The following VPS50 variants were observed in gnomAD, a reference collection of about 807,000 sequenced individuals.
VPS50 encodes syndetin.
Under a neutral mutation model 139.7 loss-of-function variants are expected in VPS50, and 70 were observed. The observed-to-expected ratio is 0.50, with a 90% CI of 0.41 to 0.61. VPS50 has a LOEUF of 0.61. VPS50 is among the 20% of genes least tolerant of loss of function. The pLI is 0.00. For missense variants in VPS50, 921 were observed against 1,133.7 expected (o/e 0.81, Z 2.69); for synonymous variants, 365 against 376.7 (o/e 0.97, Z 0.36).
chr7:93,326,888 A>G (rs375501807), intron 21 of VPS50, among the ~76,000 whole-genome samples: 1 of 152,194 alleles, frequency 6.6e-6, no homozygotes, highest in Non-Finnish European at 1.5e-5. Context: ...ATCATTTTAT[A>G]TAGGACCTGA....
At chr7:93,261,830 G>C (rs1381228368) in intron 9 of VPS50, among the ~76,000 whole-genome samples, 3 of 152,146 alleles carry the variant, frequency 2.0e-5, no homozygotes, top group Non-Finnish European at 2.9e-5. Flanking sequence ...CAGGATATGA[G>C]AGTTGTGAAT....
At chr7:93,243,937 C>T (rs182371433) in intron 2 of VPS50, among the ~76,000 whole-genome samples, 19 of 151,910 alleles carry the variant, frequency 1.3e-4, no homozygotes, top group Admixed American at 8.5e-4. Flanking sequence ...TATTGTTTTA[C>T]GAGTTTTTAG....
chr7:93,276,779 G>T (rs2116896749), intron 12 of VPS50, among the ~76,000 whole-genome samples: 1 of 152,202 alleles, frequency 6.6e-6, no homozygotes, highest in South Asian at 2.1e-4. Flanking sequence ...GACTGACTTG[G>T]GTTCTGTTTT....
At chr7:93,358,138 T>G (rs188674582) in intron 27 of VPS50, among the ~76,000 whole-genome samples, 179 bp from the exon 28 acceptor site, 20 of 152,302 alleles carry the variant, frequency 1.3e-4, no homozygotes, top group Admixed American at 1.2e-3. Flanking sequence ...TATTCTCTCC[T>G]ATTACAGCTC....
At chr7:93,337,689 A>G (rs1266612432) in intron 22 of VPS50, among the ~76,000 whole-genome samples, 3 of 152,184 alleles carry the variant, frequency 2.0e-5, no homozygotes, top group Non-Finnish European at 4.4e-5. Flanking sequence ...TAAAAGCAGA[A>G]GTGTTTGATG....
At chr7:93,343,008 G>T (rs1192940837) in intron 23 of VPS50, among the ~76,000 whole-genome samples, 2 of 152,196 alleles carry the variant, frequency 1.3e-5, no homozygotes, top group African/African-American at 4.8e-5. Flanking sequence ...GCTGAGAGAA[G>T]AAGGCTTCAG....
At chr7:93,314,031 T>C (rs1240649063) in intron 20 of VPS50, among the ~76,000 whole-genome samples, 2 of 152,202 alleles carry the variant, frequency 1.3e-5, no homozygotes, top group African/African-American at 4.8e-5. Context: ...AGTTTTTAGA[T>C]ATATACAAAA....
rs901207782 is a variant in VPS50 at position 93,345,935 on chromosome 7, T to C, written c.2208-2776T>C. On this transcript the variant is annotated intron_variant, in intron 23 of 27. Transcript: ENST00000305866. ...ACTGGCACAAGACAGGGATGCCCTC[T>C]CTTACCAATCCTATTCAACACAGTG... 2.5e-4 allele frequency among the ~76,000 whole-genome samples: 38 copies of C among 152,210 alleles called. 1 individual carries two copies. The highest frequency in any genetic ancestry group is 8.9e-4 in the African/African-American group (37 of 41,454).
chr7:93,288,167 C>T (rs1175879843), intron 12 of VPS50, among the ~76,000 whole-genome samples: 1 of 152,042 alleles, frequency 6.6e-6, no homozygotes, highest in East Asian at 1.9e-4. Context: ...GGGAAAACCG[C>T]CCCGCCCTTG....
intron 10 of VPS50, among the ~76,000 whole-genome samples, chr7:93,272,240 G>T (rs183319083): frequency 5.3e-4 from 80 of 151,822 alleles, no homozygotes; most frequent in African/African-American, 1.9e-3. Context: ...ATTCCTTTTC[G>T]TTGATTAGAG....
At chr7:93,268,452 A>G (rs1795907639) in intron 9 of VPS50, among the ~76,000 whole-genome samples, 1 of 152,038 alleles carries the variant, frequency 6.6e-6, no homozygotes, top group Admixed American at 6.6e-5. Flanking sequence ...TCTGGCATGC[A>G]TTAGCTATTT....
chr7:93,320,950 A>G (rs1797597573), intron 20 of VPS50: 1 of 152,148 alleles, frequency 6.6e-6, no homozygotes, highest in Non-Finnish European at 1.5e-5. Flanking sequence ...TTTTCCATCA[A>G]CGTGTTCCCA....
chr7:93,256,639 T>C, intron 5 of VPS50, 77 bp downstream of exon 5: 1 of 764,470 alleles, frequency 1.3e-6, no homozygotes, highest in East Asian at 2.9e-5. Context: ...TGTTAAAATA[T>C]TGTATTTTTT....
chr7:93,334,299 G>C, intron 22 of VPS50, 102 bp downstream of exon 22: 1 of 698,452 alleles, frequency 1.4e-6, no homozygotes, highest in South Asian at 1.7e-5. Context: ...TTGAGTAGCT[G>C]AGTCCTCAGA....
In VPS50 at chr7:93,313,585, C is replaced by T. The variant is rs141372252; in HGVS notation, c.1855+2313C>T. 2.7e-3 allele frequency among the ~76,000 whole-genome samples: 415 copies of T among 152,210 alleles called. 2 individuals are homozygous for T. The highest frequency in any genetic ancestry group is 4.6e-3 in the Non-Finnish European group (311 of 68,004). On this transcript the variant is annotated intron_variant, in intron 20 of 27. Coordinates refer to ENST00000305866, the MANE Select transcript of VPS50 (RefSeq NM_017667.4). ...AAGAAACAATATATACCACTATCCTCGTTATCTGAGAAAAAGATACAGGCC... is the reference window on the plus strand; with the variant it reads ...AAGAAACAATATATACCACTATCCTTGTTATCTGAGAAAAAGATACAGGCC...
At chr7:93,295,706 T>C (rs1796787816) in intron 14 of VPS50, among the ~76,000 whole-genome samples, 1 of 152,128 alleles carries the variant, frequency 6.6e-6, no homozygotes, top group South Asian at 2.1e-4. Flanking sequence ...CCATCTTTTT[T>C]TTTCTTTCTT....
At position 93,239,878 on chromosome 7, in the gene VPS50, C is replaced by T. The variant is rs568864769; in HGVS notation, c.46C>T (p.Pro16Ser). Residue 16 changes from proline (P) to serine (S), a missense_variant, in exon 2 of 28, where the codon CCT (proline) becomes TCT (serine). Around this residue, in one of 3 missense-constraint regions of VPS50, gnomAD observed 744 missense variants for 930.6 expected, o/e 0.80. Transcript: ENST00000305866. ...SLMTRQGLKS[P>S]QESLSDLGAI... ...TTATTTTTTTAAGGGTCTGAAAAGC[C>T]CTCAAGAAAGCCTCAGTGATCTTGG... The T allele has an allele frequency of 6.2e-7, 1 of 1,600,062 alleles. No individual in the cohort carries two copies. Among genetic ancestry groups the T allele is most frequent in the Admixed American group, 1.7e-5 (1 of 59,866 alleles).
At chr7:93,326,353 C>T (rs1053342098) in intron 21 of VPS50, among the ~76,000 whole-genome samples, 45 of 145,816 alleles carry the variant, frequency 3.1e-4, no homozygotes, top group African/African-American at 1.0e-3. Context: ...TGCTAAATGA[C>T]GAGTTAATGG....
chr7:93,239,075 A>T (rs1227851526), intron 1 of VPS50, among the ~76,000 whole-genome samples: 1 of 152,160 alleles, frequency 6.6e-6, no homozygotes, highest in East Asian at 1.9e-4. Flanking sequence ...GTTACTAAGG[A>T]TCCCCAATAT....
Sources: allele counts gnomAD v4.1 joint callset (sites outside exome capture counted in the v4.1 genomes callset), GRCh38; gene constraint gnomAD v4.1.1; regional missense constraint gnomAD v4.1.1; transcripts MANE v1.5; gene names NCBI Gene and HGNC (gene_info 2026-07-23, HGNC 2026-07-21).